The following TET2 variants were observed in gnomAD, a reference collection of about 807,000 sequenced individuals.
The protein encoded by TET2 is tet methylcytosine dioxygenase 2, also known as methylcytosine dioxygenase TET2.
A neutral mutation model predicts 142.9 loss-of-function variants in TET2; 299 were observed. The ratio of observed to expected loss-of-function variants is 2.09; its 90% confidence interval spans 1.90 to 2.30. TET2 has a LOEUF of 2.30. Among genes scored for constraint, TET2 ranks in the 30% most tolerant of loss-of-function variants. The pLI is 0.00. For missense variants in TET2, 2,418 were observed against 2,378.0 expected (o/e 1.02, Z -0.35); for synonymous variants, 819 against 849.0 (o/e 0.96, Z 0.61).
At chr4:105,147,903 C>T (rs1204373620) in intron 1 of TET2, 2 of 152,218 alleles carry the variant, frequency 1.3e-5, no homozygotes, top group Non-Finnish European at 2.9e-5. Flanking sequence ...TCAGGGGCGC[C>T]TAAAGAAATG....
intron 10 of TET2, among the ~76,000 whole-genome samples, chr4:105,274,345 A>G (rs1160697107): frequency 2.0e-5 from 3 of 152,232 alleles, no homozygotes; most frequent in Non-Finnish European, 4.4e-5. Context: ...TTAAAGTGTT[A>G]TCTACAACTG....
intron 2 of TET2, among the ~76,000 whole-genome samples, chr4:105,215,936 C>A (rs761495053): frequency 1.2e-4 from 18 of 152,184 alleles, no homozygotes; most frequent in Non-Finnish European, 2.2e-4. Flanking sequence ...TTTGAAGAGA[C>A]ATGTCTGACA....
At position 105,234,229 on chromosome 4, in the gene TET2, G is replaced by C. The variant is rs1238868376; in HGVS notation, c.287G>C (p.Arg96Pro). 1 of 1,614,090 alleles carries C rather than the reference G, an allele frequency of 6.2e-7. No homozygotes were observed. Among genetic ancestry groups the C allele is most frequent in the Non-Finnish European group, 8.5e-7 (1 of 1,180,008 alleles). The change falls in exon 3 of 11, where the codon CGC (arginine) becomes CCC (proline). Residue 96 changes from arginine to proline, a missense_variant. Transcript: ENST00000380013. ...SKCLQNGGIKRTVSEPSLSGL... is the reference protein window; with the variant it reads ...SKCLQNGGIKPTVSEPSLSGL... ...TGTTTGCAAAATGGAGGAATAAAAC[G>C]CACAGTTAGTGAACCTTCTCTCTCT... is the stretch of plus-strand genomic sequence containing the variant.
rs1730329250 is a variant in TET2 at position 105,259,730 on chromosome 4, C to A, written c.3915C>A (p.Ile1305=). 1.3e-6 allele frequency: 2 copies of A among 1,550,876 alleles called. No homozygotes were observed. The highest frequency in any genetic ancestry group is 1.4e-5 in the African/African-American group (1 of 73,094). Residue 1305 remains isoleucine, a synonymous_variant, in exon 7 of 11, where the codon ATC becomes ATA. Coordinates refer to ENST00000380013, the MANE Select transcript of TET2 (RefSeq NM_001127208.3). ...YNGCKFARSK[I]PRKFKLLGDD... ...GATGTAAGTTTGCCAGAAGCAAGAT[C>A]CCAAGGAAGTTTAAGCTGCTTGGGG...
intron 5 of TET2, 101 bp downstream of exon 5, chr4:105,243,028 A>G (rs770413857): frequency 3.3e-6 from 3 of 906,164 alleles, no homozygotes; most frequent in Non-Finnish European, 1.7e-6. Flanking sequence ...GACTCATGCC[A>G]GTTAAAAAGA....
intron 3 of TET2, chr4:105,239,859 T>C (rs1729197023): frequency 4.3e-6 from 1 of 234,104 alleles, no homozygotes; most frequent in Non-Finnish European, 8.8e-6. Context: ...GTGGCAGGCA[T>C]ACAACTCTTC....
chr4:105,239,878 TG>T, intron 3 of TET2: 1 of 237,946 alleles, frequency 4.2e-6, no homozygotes. Flanking sequence ...TCCTTTCACT[TG>T]AACACTTAGA....
At chr4:105,203,955 C>A (rs1726639538) in intron 2 of TET2, among the ~76,000 whole-genome samples, 2 of 152,014 alleles carry the variant, frequency 1.3e-5, no homozygotes, top group African/African-American at 4.8e-5. Flanking sequence ...AATCGCAGCA[C>A]TTTGGGAGGC....
intron 6 of TET2, among the ~76,000 whole-genome samples, chr4:105,248,227 T>C (rs1560556574): frequency 6.6e-6 from 1 of 152,206 alleles, no homozygotes; most frequent in Non-Finnish European, 1.5e-5. Flanking sequence ...TTTCACCAGA[T>C]AGTTTCACAT....
rs748423865 is a variant in TET2, at chr4:105,275,484, G to A, written c.4974G>A (p.Leu1658=). 2.6e-6 allele frequency: 4 copies of A among 1,551,648 alleles called. No individual in the cohort carries two copies. Among genetic ancestry groups the A allele is most frequent in the South Asian group, 1.2e-5 (1 of 84,066 alleles). ...SYSPQSQPMD[L]YRYPSQDPLS... ...CTCCCCAGTCTCAGCCGATGGATCT[G>A]TATAGGTATCCAAGCCAAGACCCTC... The change falls in exon 11 of 11, where the codon CTG becomes CTA. Residue 1658 remains leucine (L), a synonymous_variant. Transcript: ENST00000380013.
rs1725745520 is a variant in TET2, at chr4:105,190,868, A to G, written c.-47+363A>G. Among the ~76,000 whole-genome samples the G allele has an allele frequency of 2.0e-5, 3 of 152,214 alleles. No individual in the cohort carries two copies. The South Asian group carries it at 6.2e-4, about 31-fold the overall frequency. On this transcript the variant is annotated intron_variant, in intron 2 of 10. Coordinates refer to ENST00000380013, the MANE Select transcript of TET2 (RefSeq NM_001127208.3). The stretch of plus-strand genomic sequence containing the variant: ...ATCGCCTCCATTTTGCTTCACTTGT[A>G]GCCACTTCGTCTCAATCTTGTTAAG...
chr4:105,146,209 G>A (rs1287738675), upstream of TET2: 1 of 152,700 alleles, frequency 6.5e-6, no homozygotes, highest in Non-Finnish European at 1.5e-5. Flanking sequence ...GGGCGTGTGC[G>A]CGGGACCTCG....
Position 105,235,065 on chromosome 4 carries a change from G to T in TET2, c.1123G>T (p.Glu375Ter). The T allele has an allele frequency of 6.2e-7, 1 of 1,614,070 alleles. No homozygotes were observed. ...GSSERYLKQN[E>*]MNGAYFKQSS... ...CTCTGAACGGTATTTAAAACAAAAT[G>T]AAATGAATGGTGCTTACTTCAAGCA... Residue 375 changes from glutamate to a stop codon, truncating the protein, a stop_gained, in exon 3 of 11, where the codon GAA becomes TAA. Coordinates refer to ENST00000380013, the MANE Select transcript of TET2 (RefSeq NM_001127208.3). LOFTEE classifies it high-confidence loss of function.
intron 1 of TET2, among the ~76,000 whole-genome samples, chr4:105,179,814 CTA>C (rs1182405415): frequency 6.6e-6 from 1 of 152,150 alleles, no homozygotes; most frequent in Non-Finnish European, 1.5e-5. Context: ...CACTGGAAGA[CTA>C]TCTACAGTGA....
chr4:105,240,356 A>G, intron 3 of TET2: 1 of 1,069,146 alleles, frequency 9.4e-7, no homozygotes. Flanking sequence ...AAAATTCAGG[A>G]TATGTAATAG....
rs1432337736 is a variant in TET2 at position 105,236,974 on chromosome 4, A to G, written c.3032A>G (p.Asn1011Ser). 1 of 1,614,152 alleles carries G rather than the reference A, an allele frequency of 6.2e-7. No individual in the cohort carries two copies. The highest frequency in any genetic ancestry group is 1.1e-5 in the South Asian group (1 of 91,090). The change falls in exon 3 of 11, where the codon AAT (asparagine) becomes AGT (serine). Residue 1011 changes from asparagine (N) to serine (S), a missense_variant. Asn to Ser is a conservative substitution (Grantham distance 46). Transcript: ENST00000380013. ...KTWKKVTKQENPPASCDNVQQ... is the reference protein window; with the variant it reads ...KTWKKVTKQESPPASCDNVQQ... ...TGGAAAAAGGTAACTAAGCAAGAGA[A>G]TCCACCTGCAAGCTGTGATAATGTG...
At chr4:105,238,802 A>T in intron 3 of TET2, 1 of 239,000 alleles carries the variant, frequency 4.2e-6, no homozygotes, top group Non-Finnish European at 8.9e-6. Context: ...GTTCTTAATA[A>T]CTTCTAAATG....
rs1452622554 is a variant in TET2 at position 105,279,597 on chromosome 4, G to A, written c.*3078G>A. ...AGTTTGACACTAAGATAACTTCTGT[G>A]TGCATTTTTCTATGCTTTTTTAAAA... On this transcript the variant is annotated 3_prime_UTR_variant, in exon 11 of 11. Coordinates refer to ENST00000380013, the MANE Select transcript of TET2 (RefSeq NM_001127208.3). The A allele has an allele frequency of 4.3e-6, 1 of 232,220 alleles. No homozygotes were observed. Among genetic ancestry groups the A allele is most frequent in the East Asian group, 6.1e-5 (1 of 16,376 alleles). The allele number at this position is 232,220 out of a possible 1,614,324, so 14.4% of individuals were successfully genotyped here. A position where few individuals can be genotyped will look rare whatever the true frequency, so the allele number is the denominator to read the frequency against.
intron 1 of TET2, among the ~76,000 whole-genome samples, chr4:105,150,771 A>G (rs985691134): frequency 6.6e-6 from 1 of 152,230 alleles, no homozygotes; most frequent in Non-Finnish European, 1.5e-5. Context: ...AACTGAGTGA[A>G]TACTGTGACA....
Sources: gnomAD v4.1 joint callset for allele counts (sites outside exome capture counted in the v4.1 genomes callset) on GRCh38, gnomAD v4.1.1 for gene constraint, MANE v1.5 for transcripts, NCBI Gene and HGNC (gene_info 2026-07-23, HGNC 2026-07-21) for gene names.